The following CTIF variants were observed in gnomAD, a reference collection of about 807,000 sequenced individuals.
CTIF encodes the protein cap binding complex dependent translation initiation factor, also known as CBP80/20-dependent translation initiation factor.
Under a neutral mutation model 66.0 loss-of-function variants are expected in CTIF, and 21 were observed. That is an observed-to-expected ratio of 0.32 (90% CI 0.23 to 0.46). The LOEUF (loss-of-function observed/expected upper bound fraction) is 0.46. Among genes scored for constraint, CTIF ranks in the 20% least tolerant of loss-of-function variants. The probability of loss-of-function intolerance (pLI) is 1.00; values close to 1 mark genes in which losing one functional copy is unlikely to be tolerated. For synonymous variants in CTIF, 345 were observed against 326.4 expected (o/e 1.06, Z -0.62); for missense variants, 739 against 812.7 (o/e 0.91, Z 1.10).
intron 10 of CTIF, among the ~76,000 whole-genome samples, chr18:48,829,574 C>T (rs1274886049): frequency 6.6e-6 from 1 of 152,260 alleles, no homozygotes; most frequent in African/African-American, 2.4e-5. Flanking sequence ...GAGTGGGCCC[C>T]CGCCTTGCCC....
intron 1 of CTIF, among the ~76,000 whole-genome samples, chr18:48,578,224 A>G (rs894879406): frequency 6.6e-6 from 1 of 151,962 alleles, no homozygotes; most frequent in Non-Finnish European, 1.5e-5. Context: ...TCCTTTGTCA[A>G]TGGATGGAGC....
intron 9 of CTIF, among the ~76,000 whole-genome samples, chr18:48,773,169 GGATCTATA>G (rs756132890): frequency 1.3e-5 from 2 of 152,136 alleles, no homozygotes; most frequent in African/African-American, 2.4e-5. Context: ...CTTGCAGGAA[GGATCTATA>G]GATCATCCAG....
intron 9 of CTIF, among the ~76,000 whole-genome samples, chr18:48,787,801 C>T (rs35966426): frequency 0.12 from 18,723 of 152,178 alleles, 1,283 homozygotes; most frequent in Non-Finnish European, 0.14. Flanking sequence ...TCTGCCCCTG[C>T]GCCAACTCCT....
intron 5 of CTIF, among the ~76,000 whole-genome samples, chr18:48,668,679 G>C (rs2091475617): frequency 6.6e-6 from 1 of 152,004 alleles, no homozygotes. Context: ...CTAACTCTAG[G>C]CCTTTGCCTG....
chr18:48,610,405 C>CTGGATGCCCACG, intron 1 of CTIF, among the ~76,000 whole-genome samples: 1 of 126,510 alleles, frequency 7.9e-6, no homozygotes, highest in South Asian at 2.4e-4. Context: ...GGATGCCCAC[C>CTGGATGCCCACG]TGGATGCCCA....
At chr18:48,604,621 ACT>A (rs1491387193) in intron 1 of CTIF, among the ~76,000 whole-genome samples, 13 of 152,228 alleles carry the variant, frequency 8.5e-5, no homozygotes, top group African/African-American at 2.4e-5. Context: ...CATGTACATT[ACT>A]TTTTTAACAG....
intron 9 of CTIF, among the ~76,000 whole-genome samples, chr18:48,767,873 G>T (rs971970282): frequency 6.6e-6 from 1 of 152,200 alleles, no homozygotes; most frequent in Non-Finnish European, 1.5e-5. Context: ...TGGTGACTCT[G>T]TGGGATCTCT....
intron 7 of CTIF, among the ~76,000 whole-genome samples, chr18:48,714,453 G>C (rs897438033): frequency 6.6e-6 from 1 of 152,158 alleles, no homozygotes; most frequent in Non-Finnish European, 1.5e-5. Context: ...GAATGGAGAG[G>C]AGTCTGTGGC....
intron 6 of CTIF, among the ~76,000 whole-genome samples, chr18:48,701,230 C>T (rs562267693): frequency 6.6e-6 from 1 of 152,198 alleles, no homozygotes; most frequent in East Asian, 1.9e-4. Flanking sequence ...GTACCTCTCA[C>T]ATTTCTTGGG....
At chr18:48,783,897 G>A (rs774159277) in intron 9 of CTIF, among the ~76,000 whole-genome samples, 4 of 151,758 alleles carry the variant, frequency 2.6e-5, no homozygotes, top group Non-Finnish European at 5.9e-5. Flanking sequence ...CCAGCCTTAC[G>A]TAGCGTCCAC....
At chr18:48,582,045 G>T (rs954436095) in intron 1 of CTIF, among the ~76,000 whole-genome samples, 1 of 152,000 alleles carries the variant, frequency 6.6e-6, no homozygotes, top group Non-Finnish European at 1.5e-5. Flanking sequence ...TCTCCCTGAG[G>T]GACCTCCTGT....
intron 10 of CTIF, among the ~76,000 whole-genome samples, chr18:48,850,918 C>T (rs558346172): frequency 3.9e-5 from 6 of 152,264 alleles, no homozygotes; most frequent in Non-Finnish European, 8.8e-5. Context: ...AAGGCCCTTC[C>T]TGTGCTCTCT....
intron 9 of CTIF, among the ~76,000 whole-genome samples, chr18:48,807,188 G>A (rs1352651318): frequency 6.6e-6 from 1 of 152,154 alleles, no homozygotes; most frequent in Non-Finnish European, 1.5e-5. Flanking sequence ...GGCGGGGCAT[G>A]TTCACACCCC....
chr18:48,858,814 G>T (rs1296683474), intron 11 of CTIF, among the ~76,000 whole-genome samples: 1 of 152,334 alleles, frequency 6.6e-6, no homozygotes, highest in Non-Finnish European at 1.5e-5. Context: ...CACTTCTGGG[G>T]GCTGGGAGAT....
chr18:48,850,799 G>A (rs2069182750), intron 10 of CTIF, among the ~76,000 whole-genome samples: 2 of 152,192 alleles, frequency 1.3e-5, no homozygotes, highest in South Asian at 4.1e-4. Context: ...GGAGGCTGAG[G>A]GAGCATCCTC....
At chr18:48,706,805 CT>C (rs2092161627) in intron 6 of CTIF, among the ~76,000 whole-genome samples, 1 of 152,226 alleles carries the variant, frequency 6.6e-6, no homozygotes, top group Non-Finnish European at 1.5e-5. Flanking sequence ...CACGTGTACT[CT>C]GCCGGCGCTG....
intron 2 of CTIF, among the ~76,000 whole-genome samples, chr18:48,623,944 A>G (rs2090546469): frequency 6.6e-6 from 1 of 152,158 alleles, no homozygotes; most frequent in Non-Finnish European, 1.5e-5. Flanking sequence ...GATAAGATAG[A>G]TAGATAGATC....
intron 1 of CTIF, among the ~76,000 whole-genome samples, chr18:48,616,150 C>T (rs992513487): frequency 1.3e-5 from 2 of 152,238 alleles, no homozygotes; most frequent in African/African-American, 4.8e-5. Flanking sequence ...TCCTGCAAAA[C>T]CCGGTTCTCC....
rs1568120522 is a variant in CTIF at position 48,669,793 on chromosome 18, T to TATATATATATATA, written c.432-876_432-875insATATATATATATA. On this transcript the variant is annotated intron_variant, in intron 5 of 11. Coordinates refer to ENST00000256413, the MANE Select transcript of CTIF (RefSeq NM_014772.3). The stretch of plus-strand genomic sequence containing the variant: ...ATTTATAAACAAACAAGCTAAACAT[T>TATATATATATATA]TATATATATATATATATATATATAT... Among the ~76,000 whole-genome samples the TATATATATATATA allele has an allele frequency of 5.7e-4, 27 of 47,260 alleles. 7 individuals are homozygous for TATATATATATATA. Among genetic ancestry groups the TATATATATATATA allele is most frequent in the Non-Finnish European group, 8.6e-4 (22 of 25,638 alleles). The allele number at this position is 47,260 out of a possible 152,430, so 31.0% of individuals were successfully genotyped here. A position where few individuals can be genotyped will look rare whatever the true frequency, so the allele number is the denominator to read the frequency against.
Sources: gnomAD v4.1 joint callset for allele counts (sites outside exome capture counted in the v4.1 genomes callset) on GRCh38, gnomAD v4.1.1 for gene constraint, MANE v1.5 for transcripts, NCBI Gene and HGNC (gene_info 2026-07-23, HGNC 2026-07-21) for gene names.